The following CAMTA1 variants were observed in gnomAD, a reference collection of about 807,000 sequenced individuals.
CAMTA1 encodes calmodulin-binding transcription activator 1.
In CAMTA1, 27 loss-of-function variants were observed where a neutral mutation model predicts 170.9. The observed-to-expected ratio is 0.16, with a 90% CI of 0.12 to 0.22. The LOEUF (loss-of-function observed/expected upper bound fraction) is 0.22, where lower values mean the gene tolerates loss of function less well. Among genes scored for constraint, CAMTA1 ranks in the 10% least tolerant of loss-of-function variants. The pLI is 1.00. For missense variants in CAMTA1, 1,619 were observed against 2,217.2 expected, an observed-to-expected ratio of 0.73 and a Z score of 5.42; for synonymous variants, 833 against 891.5, an observed-to-expected ratio of 0.93 and a Z score of 1.17.
At chr1:7,127,212 T>C (rs1644986396) in intron 4 of CAMTA1, among the ~76,000 whole-genome samples, 2 of 150,312 alleles carry the variant, frequency 1.3e-5, no homozygotes, top group Admixed American at 1.3e-4. Context: ...TTCTGGGTGC[T>C]TGTGGCTCCA....
At chr1:7,323,520 T>A (rs1327181737) in intron 5 of CAMTA1, among the ~76,000 whole-genome samples, 1 of 146,580 alleles carries the variant, frequency 6.8e-6, no homozygotes, top group Non-Finnish European at 1.5e-5. Flanking sequence ...TTTTTTTTTT[T>A]TTTTTTTTTT....
At position 7,634,710 on chromosome 1, in the gene CAMTA1, T is replaced by C. The variant is rs914490581; in HGVS notation, c.511-5690T>C. 1.3e-5 allele frequency among the ~76,000 whole-genome samples: 2 copies of C among 152,040 alleles called. No homozygotes were observed. Among genetic ancestry groups the C allele is most frequent in the African/African-American group, 4.8e-5 (2 of 41,374 alleles). On this transcript the variant is annotated intron_variant, in intron 6 of 22. Transcript: ENST00000303635. The surrounding 1 kb of genome is among the most constrained non-coding windows in gnomAD (Gnocchi z 6.2). ...GGGGCTGCCGGAGGAGGAAGGGGGC[T>C]CTAAGCAGCAGAAGTGCCCGCTGGA...
intron 3 of CAMTA1, among the ~76,000 whole-genome samples, chr1:6,966,525 C>A (rs560811424): frequency 6.6e-6 from 1 of 151,730 alleles, no homozygotes; most frequent in South Asian, 2.1e-4. Context: ...AACTTCATTC[C>A]TTTTTATGGC....
chr1:7,547,701 A>ATT lies in CAMTA1; in HGVS notation c.510+79813_510+79814dup, dbSNP rs34109968. 2.0e-5 allele frequency among the ~76,000 whole-genome samples: 3 copies of ATT among 147,836 alleles called. No homozygotes were observed. Among genetic ancestry groups the ATT allele is most frequent in the Admixed American group, 6.7e-5 (1 of 14,832 alleles). On this transcript the variant is annotated intron_variant, in intron 6 of 22. Transcript: ENST00000303635. The surrounding 1 kb of genome is among the most constrained non-coding windows in gnomAD (Gnocchi z 5.7). The stretch of plus-strand genomic sequence containing the variant: ...TAAAACATTATGAGACTTTTTTGCA[A>ATT]TTTTTTTTTTTTTTAGCTCATCAGC...
rs1191891868 is a variant in CAMTA1, at chr1:7,585,423, T to G, written c.511-54977T>G. On this transcript the variant is annotated intron_variant, in intron 6 of 22. Coordinates refer to ENST00000303635, the MANE Select transcript of CAMTA1 (RefSeq NM_015215.4). The surrounding 1 kb of genome is among the most constrained non-coding windows in gnomAD (Gnocchi z 4.8). ...AAGAGTATGTGCAAAGGCCCTGGGG[T>G]GGACATAAGCTTGAAGTCTCTGAAA... Among the ~76,000 whole-genome samples the G allele has an allele frequency of 1.3e-5, 2 of 151,840 alleles. No homozygotes were observed. Among genetic ancestry groups the G allele is most frequent in the African/African-American group, 4.8e-5 (2 of 41,280 alleles).
At chr1:6,822,466 A>G (rs1283232597) in intron 2 of CAMTA1, among the ~76,000 whole-genome samples, 1 of 152,152 alleles carries the variant, frequency 6.6e-6, no homozygotes, top group Non-Finnish European at 1.5e-5. Context: ...CGCAATCCTT[A>G]TAATGTAGTA....
At chr1:7,474,039 C>T (rs1205622504) in intron 6 of CAMTA1, among the ~76,000 whole-genome samples, 1 of 152,252 alleles carries the variant, frequency 6.6e-6, no homozygotes, top group African/African-American at 2.4e-5. Flanking sequence ...GGCCACCCCC[C>T]TGGACACTGG....
chr1:7,221,138 G>A (rs975634927), intron 4 of CAMTA1, among the ~76,000 whole-genome samples: 1 of 152,210 alleles, frequency 6.6e-6, no homozygotes, highest in African/African-American at 2.4e-5. Context: ...AGTGCAGGAA[G>A]GGCCGGGTTC....
chr1:6,827,486 C>T (rs567312543), intron 3 of CAMTA1, among the ~76,000 whole-genome samples: 1 of 150,290 alleles, frequency 6.7e-6, no homozygotes, highest in Non-Finnish European at 1.5e-5. Context: ...AAGACTTACC[C>T]TACGAATTGT....
At chr1:7,212,868 AC>A (rs1659032952) in intron 4 of CAMTA1, among the ~76,000 whole-genome samples, 1 of 152,208 alleles carries the variant, frequency 6.6e-6, no homozygotes. Context: ...ACAATAAATT[AC>A]CTTTTGGAAT....
At chr1:7,069,906 T>C (rs1298552564) in intron 3 of CAMTA1, among the ~76,000 whole-genome samples, 2 of 152,262 alleles carry the variant, frequency 1.3e-5, no homozygotes, top group African/African-American at 4.8e-5. Flanking sequence ...AAAAGCATTG[T>C]GCAGCTGAGA....
chr1:7,590,137 G>T (rs905225031), intron 6 of CAMTA1, among the ~76,000 whole-genome samples: 2 of 152,150 alleles, frequency 1.3e-5, no homozygotes, highest in African/African-American at 2.4e-5. Flanking sequence ...GGTGTCCCAG[G>T]GCTAGCATCT....
chr1:6,894,074 T>G (rs1675140835), intron 3 of CAMTA1, among the ~76,000 whole-genome samples: 1 of 152,262 alleles, frequency 6.6e-6, no homozygotes, highest in African/African-American at 2.4e-5. Context: ...TTCAGGTGCC[T>G]TGTGGCAAGC....
chr1:7,742,613 A>G (rs576977905), intron 16 of CAMTA1, among the ~76,000 whole-genome samples: 60 of 152,322 alleles, frequency 3.9e-4, no homozygotes, highest in Middle Eastern at 3.4e-3. Flanking sequence ...TTCAGGTCCA[A>G]CTACTGAGAA....
chr1:7,123,848 C>G (rs1015113911), intron 4 of CAMTA1, among the ~76,000 whole-genome samples: 1 of 152,182 alleles, frequency 6.6e-6, no homozygotes, highest in African/African-American at 2.4e-5. Flanking sequence ...CAAGGCCTTG[C>G]AGAGGGAGAG....
intron 3 of CAMTA1, among the ~76,000 whole-genome samples, chr1:6,946,638 T>A (rs7538627): frequency 0.53 from 80,028 of 152,048 alleles, 21,793 homozygotes; most frequent in Non-Finnish European, 0.61. Context: ...GTCTGTTAGA[T>A]TCTTTGCCAA....
At chr1:6,902,553 G>T (rs1015835432) in intron 3 of CAMTA1, among the ~76,000 whole-genome samples, 1 of 152,174 alleles carries the variant, frequency 6.6e-6, no homozygotes, top group Admixed American at 6.6e-5. Context: ...TGGGTGGGTC[G>T]GTTACAGAAG....
chr1:7,378,502 C>T (rs1050643922), intron 5 of CAMTA1, among the ~76,000 whole-genome samples: 1 of 152,106 alleles, frequency 6.6e-6, no homozygotes, highest in Non-Finnish European at 1.5e-5. Flanking sequence ...AGAAGTCAGT[C>T]GCAGCAGGCC....
chr1:7,514,443 C>A (rs1342470656), intron 6 of CAMTA1, among the ~76,000 whole-genome samples: 1 of 152,240 alleles, frequency 6.6e-6, no homozygotes, highest in Non-Finnish European at 1.5e-5. Context: ...CCTTGAGCAC[C>A]TATGATGTGG....
Sources: gnomAD v4.1 joint callset for allele counts (sites outside exome capture counted in the v4.1 genomes callset) on GRCh38, gnomAD v4.1.1 for gene constraint, Gnocchi (gnomAD v3.1) non-coding constraint, MANE v1.5 for transcripts, NCBI Gene and HGNC (gene_info 2026-07-23, HGNC 2026-07-21) for gene names.